The following PTPRD variants were observed in gnomAD, a reference collection of about 807,000 sequenced individuals.
PTPRD encodes the protein protein tyrosine phosphatase receptor type D.
In PTPRD, 34 loss-of-function variants were observed where a neutral mutation model predicts 214.5. That is an observed-to-expected ratio of 0.16 (90% CI 0.12 to 0.21). The LOEUF is 0.21. Ranked by LOEUF, PTPRD falls within the 10% of genes least tolerant of loss-of-function variation. The probability of loss-of-function intolerance (pLI) is 1.00; values close to 1 mark genes in which losing one functional copy is unlikely to be tolerated. For missense variants in PTPRD, 2,545 were observed against 2,398.7 expected (o/e 1.06, Z -1.27); for synonymous variants, 1,128 against 845.7 (o/e 1.33, Z -5.79).
intron 2 of PTPRD, among the ~76,000 whole-genome samples, chr9:10,429,655 A>G (rs2098658580): frequency 6.6e-6 from 1 of 151,892 alleles, no homozygotes; most frequent in East Asian, 1.9e-4. Context: ...AATGACAGAT[A>G]ATATATAGAT....
rs141603921 is a variant in PTPRD, at chr9:8,486,335, G to T, written c.2482C>A (p.Arg828=). The T allele has an allele frequency of 6.2e-7, 1 of 1,614,068 alleles. No individual in the cohort carries two copies. The highest frequency in any genetic ancestry group is 8.5e-7 in the Non-Finnish European group (1 of 1,179,944). Residue 828 remains arginine, a synonymous_variant, in exon 28 of 46, where the codon CGG becomes AGG. Transcript: ENST00000381196. ...STTGAVPGKP[R]LVINHTQMNT... is the part of the protein sequence containing the mutation. Reference sequence around the variant, plus strand: ...ATCTGAGTGTGGTTAATCACAAGCCGAGGTTTCCCTGGAACTGGAGCACAT... The same window carrying T: ...ATCTGAGTGTGGTTAATCACAAGCCTAGGTTTCCCTGGAACTGGAGCACAT...
chr9:9,282,866 T>A (rs1222706970), intron 9 of PTPRD, among the ~76,000 whole-genome samples: 1 of 151,526 alleles, frequency 6.6e-6, no homozygotes, highest in Admixed American at 6.6e-5. Flanking sequence ...AAAATTTCTG[T>A]TAGGAGCACA....
intron 12 of PTPRD, among the ~76,000 whole-genome samples, chr9:8,691,072 A>G (rs909014980): frequency 1.3e-5 from 2 of 152,174 alleles, no homozygotes; most frequent in Non-Finnish European, 2.9e-5. Context: ...CAATTTGTAA[A>G]CTAAGAATGA....
At chr9:10,577,609 A>G (rs1189638358) in intron 2 of PTPRD, among the ~76,000 whole-genome samples, 1 of 152,204 alleles carries the variant, frequency 6.6e-6, no homozygotes, top group Non-Finnish European at 1.5e-5. Flanking sequence ...ATGAATTTTA[A>G]TTGTTTTATG....
At chr9:9,204,268 T>A (rs2099943510) in intron 9 of PTPRD, among the ~76,000 whole-genome samples, 1 of 152,220 alleles carries the variant, frequency 6.6e-6, no homozygotes, top group African/African-American at 2.4e-5. Context: ...CATTAGCGAA[T>A]ATGTCTGATG....
At chr9:9,691,411 T>G (rs2097267848) in intron 7 of PTPRD, among the ~76,000 whole-genome samples, 1 of 152,074 alleles carries the variant, frequency 6.6e-6, no homozygotes, top group South Asian at 2.1e-4. Flanking sequence ...CCTGGCTTAT[T>G]TCACTTAACA....
chr9:8,527,559 C>T (rs1028682241), intron 15 of PTPRD, among the ~76,000 whole-genome samples: 2 of 152,002 alleles, frequency 1.3e-5, no homozygotes, highest in African/African-American at 4.8e-5. Flanking sequence ...TAACAAGACG[C>T]TTTAACATCA....
At chr9:9,989,623 A>C (rs1031530099) in intron 4 of PTPRD, among the ~76,000 whole-genome samples, 1 of 151,910 alleles carries the variant, frequency 6.6e-6, no homozygotes, top group African/African-American at 2.4e-5. Flanking sequence ...TTTTCACACG[A>C]CCTCATTCCT....
intron 9 of PTPRD, among the ~76,000 whole-genome samples, chr9:9,209,098 G>A (rs1039414532): frequency 4.6e-5 from 7 of 152,112 alleles, no homozygotes; most frequent in African/African-American, 7.2e-5. Flanking sequence ...TTGAGCCACC[G>A]CGACCGGCTG....
At chr9:10,114,943 C>T (rs725261) in intron 3 of PTPRD, among the ~76,000 whole-genome samples, 29,071 of 151,254 alleles carry the variant, frequency 0.19, 2,915 homozygotes, top group South Asian at 0.33. Context: ...TCTGCTATTA[C>T]CACTGTGCCT....
intron 2 of PTPRD, among the ~76,000 whole-genome samples, chr9:10,482,621 G>C (rs564628665): frequency 5.1e-4 from 78 of 152,048 alleles, no homozygotes; most frequent in African/African-American, 1.8e-3. Flanking sequence ...AAAAGTTTCA[G>C]GTTGCAAAAT....
chr9:8,897,697 G>C (rs1013908169), intron 11 of PTPRD, among the ~76,000 whole-genome samples: 3 of 152,180 alleles, frequency 2.0e-5, no homozygotes, highest in Admixed American at 2.0e-4. Context: ...CAGAAGTAAA[G>C]AGCCTCCTCT....
chr9:8,339,860 A>T (rs1401809561), intron 42 of PTPRD, among the ~76,000 whole-genome samples: 6 of 151,492 alleles, frequency 4.0e-5, no homozygotes, highest in Admixed American at 1.3e-4. Context: ...CACTTTTTTC[A>T]AAAGTGGATC....
intron 2 of PTPRD, among the ~76,000 whole-genome samples, chr9:10,591,625 C>T (rs1159350375): frequency 2.0e-5 from 3 of 152,052 alleles, no homozygotes; most frequent in Non-Finnish European, 4.4e-5. Context: ...GAGGGAAGGA[C>T]TATTTACTGT....
intron 7 of PTPRD, among the ~76,000 whole-genome samples, chr9:9,692,272 T>C (rs2097287381): frequency 6.6e-6 from 1 of 152,026 alleles, no homozygotes; most frequent in Non-Finnish European, 1.5e-5. Context: ...TAGATTTATG[T>C]CTGTAATCCA....
intron 7 of PTPRD, among the ~76,000 whole-genome samples, chr9:9,655,353 T>A (rs1473069091): frequency 6.6e-6 from 1 of 152,162 alleles, no homozygotes; most frequent in East Asian, 1.9e-4. Context: ...GCAGATCACC[T>A]GAGGTCAGGA....
intron 9 of PTPRD, among the ~76,000 whole-genome samples, chr9:9,293,942 A>G (rs1952101949): frequency 6.6e-6 from 1 of 151,576 alleles, no homozygotes; most frequent in African/African-American, 2.4e-5. Context: ...AATAGTTTTC[A>G]TTTGGCATAT....
At chr9:9,624,305 CAG>C (rs1407818153) in intron 7 of PTPRD, among the ~76,000 whole-genome samples, 4 of 151,674 alleles carry the variant, frequency 2.6e-5, no homozygotes, top group Non-Finnish European at 4.4e-5. Flanking sequence ...TTGTTTTTGA[CAG>C]AGTCTCACTC....
At chr9:9,542,801 A>G (rs758602014) in intron 8 of PTPRD, among the ~76,000 whole-genome samples, 1 of 151,680 alleles carries the variant, frequency 6.6e-6, no homozygotes, top group Non-Finnish European at 1.5e-5. Context: ...TCAACAATAC[A>G]ATTCCTAGTG....
Sources: gnomAD v4.1 joint callset for allele counts (sites outside exome capture counted in the v4.1 genomes callset) on GRCh38, gnomAD v4.1.1 for gene constraint, MANE v1.5 for transcripts, NCBI Gene and HGNC (gene_info 2026-07-23, HGNC 2026-07-21) for gene names.